RARB: variants seen among roughly 807,000 people sequenced by gnomAD.
The protein encoded by RARB is HBV-activated protein.
Under a neutral mutation model 51.9 loss-of-function variants are expected in RARB, and 17 were observed. That is an observed-to-expected ratio of 0.33 (90% confidence interval 0.22 to 0.49). The LOEUF (loss-of-function observed/expected upper bound fraction) is 0.49, where lower values mean the gene tolerates loss of function less well. Ranked by LOEUF, RARB falls within the 20% of genes least tolerant of loss-of-function variation. RARB has a pLI of 0.99. For synonymous variants in RARB, 215 were observed against 195.4 expected (o/e 1.10, Z -0.84); for missense variants, 369 against 550.8 (o/e 0.67, Z 3.30).
At chr3:25,171,690 C>A (rs193125797) in intron 4 of RARB, among the ~76,000 whole-genome samples, 4 of 111,222 alleles carry the variant, frequency 3.6e-5, no homozygotes, top group South Asian at 3.1e-4. Flanking sequence ...TTGTGCCCTG[C>A]GGGGGTGGAT....
chr3:24,937,869 T>C (rs1421471762), intron 2 of RARB, among the ~76,000 whole-genome samples: 1 of 152,110 alleles, frequency 6.6e-6, no homozygotes, highest in Admixed American at 6.5e-5. Flanking sequence ...TTGTTTCTTT[T>C]GAGAAATCCG....
At chr3:25,305,465 G>A (rs1165846300) in intron 5 of RARB, among the ~76,000 whole-genome samples, 1 of 152,144 alleles carries the variant, frequency 6.6e-6, no homozygotes, top group Non-Finnish European at 1.5e-5. Context: ...CTTGTTTAAA[G>A]GCTTATTTTA....
At chr3:25,365,361 C>T (rs1464563511) in intron 5 of RARB, among the ~76,000 whole-genome samples, 1 of 151,782 alleles carries the variant, frequency 6.6e-6, no homozygotes, top group Non-Finnish European at 1.5e-5. Flanking sequence ...ATCCTCCTGC[C>T]TCGGCCTCTC....
chr3:25,356,586 A>G (rs945271699), intron 5 of RARB, among the ~76,000 whole-genome samples: 1 of 151,980 alleles, frequency 6.6e-6, no homozygotes, highest in Admixed American at 6.6e-5. Flanking sequence ...ACATAGGTAT[A>G]CATGTGCCAT....
intron 5 of RARB, among the ~76,000 whole-genome samples, chr3:25,251,334 G>C (rs1242489943): frequency 6.6e-6 from 1 of 151,772 alleles, no homozygotes; most frequent in Non-Finnish European, 1.5e-5. Flanking sequence ...ATAAATATTT[G>C]TGTACAAGTT....
At chr3:24,950,276 A>G (rs1286563844) in intron 2 of RARB, among the ~76,000 whole-genome samples, 1 of 152,198 alleles carries the variant, frequency 6.6e-6, no homozygotes, top group Non-Finnish European at 1.5e-5. Flanking sequence ...CATTACAGCC[A>G]TTTCAAAATG....
At chr3:25,341,712 C>G (rs375904463) in intron 5 of RARB, among the ~76,000 whole-genome samples, 1 of 152,018 alleles carries the variant, frequency 6.6e-6, no homozygotes, top group African/African-American at 2.4e-5. Flanking sequence ...GGAAAGCCAC[C>G]GGTATCTAGT....
At chr3:25,252,379 G>A (rs890522061) in intron 5 of RARB, among the ~76,000 whole-genome samples, 3 of 152,060 alleles carry the variant, frequency 2.0e-5, no homozygotes, top group African/African-American at 7.2e-5. Context: ...GTCAATTTCT[G>A]TAAAAAAACC....
At chr3:25,327,987 A>G (rs531080611) in intron 5 of RARB, among the ~76,000 whole-genome samples, 2 of 152,378 alleles carry the variant, frequency 1.3e-5, no homozygotes, top group Admixed American at 1.3e-4. Context: ...GCAGTAAAAA[A>G]TACACAGTAC....
chr3:24,920,965 C>T (rs912948893), intron 2 of RARB, among the ~76,000 whole-genome samples: 1 of 152,148 alleles, frequency 6.6e-6, no homozygotes, highest in Non-Finnish European at 1.5e-5. Context: ...ATCACTTCCC[C>T]TCATACTGGC....
intron 2 of RARB, among the ~76,000 whole-genome samples, chr3:24,918,525 C>A (rs1234979222): frequency 1.3e-5 from 2 of 152,188 alleles, no homozygotes; most frequent in African/African-American, 4.8e-5. Context: ...AAATTATACA[C>A]TTATAACAGG....
At chr3:25,450,472 T>C (rs560092428) in intron 1 of RARB, among the ~76,000 whole-genome samples, 1 of 152,168 alleles carries the variant, frequency 6.6e-6, no homozygotes, top group African/African-American at 2.4e-5. Flanking sequence ...GCTCATACCA[T>C]CTGCATTGTA....
chr3:24,956,179 G>A (rs1470554751), intron 2 of RARB, among the ~76,000 whole-genome samples: 1 of 152,110 alleles, frequency 6.6e-6, no homozygotes, highest in African/African-American at 2.4e-5. Context: ...TACATTTTGG[G>A]TAATCATTTT....
chr3:25,211,504 G>T (rs149558913), intron 5 of RARB, among the ~76,000 whole-genome samples: 1 of 152,096 alleles, frequency 6.6e-6, no homozygotes, highest in African/African-American at 2.4e-5. Context: ...TATTAATAAA[G>T]ATCAATAACA....
intron 3 of RARB, among the ~76,000 whole-genome samples, chr3:25,560,141 A>G (rs962186506): frequency 6.6e-6 from 1 of 152,226 alleles, no homozygotes; most frequent in Admixed American, 6.5e-5. Context: ...GCTATACTGA[A>G]CAAGATTTAT....
chr3:25,574,538 C>G (rs1451355955), intron 4 of RARB, among the ~76,000 whole-genome samples: 1 of 152,192 alleles, frequency 6.6e-6, no homozygotes, highest in African/African-American at 2.4e-5. Context: ...GCCCCCACCC[C>G]CAGCTCGTGC....
At chr3:24,976,636 G>C (rs1167051606) in intron 2 of RARB, among the ~76,000 whole-genome samples, 1 of 151,828 alleles carries the variant, frequency 6.6e-6, no homozygotes, top group African/African-American at 2.4e-5. Flanking sequence ...GTAAATTTAA[G>C]TTCTTTGTAG....
chr3:25,447,410 A>G (rs1179851034), intron 1 of RARB, among the ~76,000 whole-genome samples: 1 of 152,056 alleles, frequency 6.6e-6, no homozygotes, highest in East Asian at 1.9e-4. Flanking sequence ...GGCATTTTTC[A>G]GTTGTCTGTT....
chr3:25,011,274 G>A (rs565938037), intron 2 of RARB, among the ~76,000 whole-genome samples: 22 of 152,104 alleles, frequency 1.4e-4, no homozygotes, highest in Non-Finnish European at 2.5e-4. Context: ...AAAGCAGATC[G>A]GGGGAAGTTG....
Sources: allele counts gnomAD v4.1 joint callset (sites outside exome capture counted in the v4.1 genomes callset), GRCh38; gene constraint gnomAD v4.1.1; transcripts MANE v1.5; gene names NCBI Gene and HGNC (gene_info 2026-07-23, HGNC 2026-07-21).